Variants in RAB9B observed in about 807,000 individuals in gnomAD.
RAB9B encodes RAB9B, member RAS oncogene family, also known as ras-related protein Rab-9B.
Under a neutral mutation model 8.9 loss-of-function variants are expected in RAB9B, and 1 was observed. The observed-to-expected ratio is 0.11, with a 90% CI of 0.04 to 0.53. The LOEUF (loss-of-function observed/expected upper bound fraction) is 0.53. RAB9B is among the 20% of genes least tolerant of loss of function. The probability of loss-of-function intolerance (pLI) is 0.93; values close to 1 mark genes in which losing one functional copy is unlikely to be tolerated. For synonymous variants in RAB9B, 63 were observed against 57.0 expected, an observed-to-expected ratio of 1.10 and a Z score of -0.47; for missense variants, 82 against 152.9, an observed-to-expected ratio of 0.54 and a Z score of 2.45.
chrX:103,830,459 C>T (rs543829), intron 1 of RAB9B, among the ~76,000 whole-genome samples: 3,953 of 111,407 alleles, frequency 0.035, 187 homozygotes, highest in African/African-American at 0.12. Flanking sequence ...CTCTGTCGGG[C>T]GAGCATTTGG....
the RAB9B span, among the ~76,000 whole-genome samples, chrX:103,810,782 T>C: frequency 1.8e-5 from 2 of 111,943 alleles, no homozygotes; most frequent in African/African-American, 6.5e-5. Context: ...TCCCCATTTC[T>C]TAACATGGTA....
the RAB9B span, among the ~76,000 whole-genome samples, chrX:103,801,946 C>T: frequency 1.8e-5 from 2 of 111,386 alleles, no homozygotes; most frequent in Admixed American, 9.6e-5. Flanking sequence ...CCAGAACAGG[C>T]TAATCAGAAC....
chrX:103,796,085 G>C, the RAB9B span, among the ~76,000 whole-genome samples: 2 of 112,141 alleles, frequency 1.8e-5, no homozygotes, highest in Non-Finnish European at 3.8e-5. Flanking sequence ...GTCTTTAATA[G>C]CTTAGCGGGT....
At chrX:103,793,871 G>C in the RAB9B span, among the ~76,000 whole-genome samples, 2 of 112,290 alleles carry the variant, frequency 1.8e-5, no homozygotes, top group East Asian at 5.6e-4. Flanking sequence ...GTATAAACAA[G>C]AAACATTTTC....
the RAB9B span, among the ~76,000 whole-genome samples, chrX:103,807,351 G>A: frequency 2.7e-5 from 3 of 111,005 alleles, no homozygotes; most frequent in Admixed American, 9.6e-5. Context: ...CCTCACTGCC[G>A]TCAGACTACT....
At chrX:103,781,018 C>A in the RAB9B span, 1 of 162,282 alleles carries the variant, frequency 6.2e-6, no homozygotes, top group Non-Finnish European at 1.2e-5. Flanking sequence ...TGTTGTTTAG[C>A]TCTATTGTAT....
chrX:103,814,892 G>T, the RAB9B span, among the ~76,000 whole-genome samples: 1 of 111,540 alleles, frequency 9.0e-6, no homozygotes, highest in East Asian at 2.8e-4. Context: ...CCACAAAGAA[G>T]TTGAATCTCT....
chrX:103,800,499 C>G, the RAB9B span, among the ~76,000 whole-genome samples: 1 of 111,481 alleles, frequency 9.0e-6, no homozygotes, highest in African/African-American at 3.3e-5. Flanking sequence ...AGAAAGAAAA[C>G]AGTTCTAGGT....
chrX:103,806,218 T>C, the RAB9B span, among the ~76,000 whole-genome samples: 2 of 111,363 alleles, frequency 1.8e-5, no homozygotes, highest in African/African-American at 6.5e-5. Context: ...TCCTTTTAAA[T>C]ATAGGTACTT....
At chrX:103,817,837 A>G (rs975889874), downstream of RAB9B, among the ~76,000 whole-genome samples, 22 of 111,318 alleles carry the variant, frequency 2.0e-4, no homozygotes, top group African/African-American at 6.8e-4. Context: ...ATTTCTAGCA[A>G]TTCTTTTATC....
At chrX:103,809,890 A>T in the RAB9B span, among the ~76,000 whole-genome samples, 1 of 109,605 alleles carries the variant, frequency 9.1e-6, no homozygotes, top group Non-Finnish European at 1.9e-5. Context: ...TCGACCTCCA[A>T]AGTAGCTGGG....
chrX:103,816,334 G>T, the RAB9B span, among the ~76,000 whole-genome samples: 1 of 111,844 alleles, frequency 8.9e-6, no homozygotes, highest in Non-Finnish European at 1.9e-5. Context: ...ATGGGGAAAG[G>T]ATTCCCTATT....
intron 1 of RAB9B, among the ~76,000 whole-genome samples, chrX:103,828,227 T>TTAGA: frequency 1.8e-5 from 2 of 111,943 alleles, no homozygotes; most frequent in Middle Eastern, 4.7e-3. Context: ...TAAGGATTCA[T>TTAGA]TAGATATCTA....
At position 103,825,469 on chromosome X, in the gene RAB9B, T is replaced by C. The variant is rs1263222153; in HGVS notation, c.316A>G (p.Ile106Val). The C allele has an allele frequency of 1.7e-6, 2 of 1,209,597 alleles. No homozygotes were observed. Among genetic ancestry groups the C allele is most frequent in the African/African-American group, 3.5e-5 (2 of 57,031 alleles). Residue 106 changes from isoleucine (I) to valine (V), a missense_variant, in exon 3 of 3, where the codon ATT becomes GTT. Physicochemically the swap from Ile to Val is conservative, Grantham distance 29. Transcript: ENST00000243298. ...GGGTCCTTCACATCCGCATAGTAAA[T>C]AAATTCTTTCTGCCAGTTACCAAGA... ...ENLGNWQKEF[I>V]YYADVKDPEH...
chrX:103,782,771 A>G, the RAB9B span, among the ~76,000 whole-genome samples: 1 of 90,633 alleles, frequency 1.1e-5, no homozygotes, highest in Non-Finnish European at 2.2e-5. Flanking sequence ...CAGTCCTGCC[A>G]TTGTTCCCTG....
the RAB9B span, among the ~76,000 whole-genome samples, chrX:103,809,182 C>T: frequency 2.7e-5 from 3 of 112,278 alleles, no homozygotes; most frequent in South Asian, 3.7e-4. Context: ...CGCTCTCTCT[C>T]TGTTATGTGA....
chrX:103,811,955 GAGAGAGAAAGAGAGGTCT>G, the RAB9B span, among the ~76,000 whole-genome samples: 1 of 108,511 alleles, frequency 9.2e-6, no homozygotes, highest in Non-Finnish European at 1.9e-5. Flanking sequence ...AGCAGAAAAA[GAGAGAGAAAGAGAGGTCT>G]CCTCTCTTTC....
intron 1 of RAB9B, among the ~76,000 whole-genome samples, chrX:103,827,480 A>C (rs1419547545): frequency 1.8e-5 from 2 of 111,395 alleles, no homozygotes; most frequent in Non-Finnish European, 3.8e-5. Flanking sequence ...TTTTATACCT[A>C]CCAACGTTCC....
the RAB9B span, chrX:103,787,015 T>G: frequency 2.8e-6 from 1 of 363,359 alleles, no homozygotes; most frequent in Non-Finnish European, 4.8e-6. Flanking sequence ...TTGGTATCCC[T>G]TTGTTCCCTT....
Sources: allele counts gnomAD v4.1 joint callset (sites outside exome capture counted in the v4.1 genomes callset), GRCh38; gene constraint gnomAD v4.1.1; transcripts MANE v1.5; gene names NCBI Gene and HGNC (gene_info 2026-07-23, HGNC 2026-07-21).